The following CDH11 variants were observed in gnomAD, a reference collection of about 807,000 sequenced individuals.
The protein encoded by CDH11 is cadherin-11.
In CDH11, 11 loss-of-function variants were observed where a neutral mutation model predicts 67.8. The observed-to-expected ratio is 0.16, with a 90% CI of 0.10 to 0.27. The LOEUF (loss-of-function observed/expected upper bound fraction) is 0.27. CDH11 is among the 10% of genes least tolerant of loss of function. The pLI, the probability that CDH11 is intolerant of heterozygous loss-of-function variation, is 1.00. For missense variants in CDH11, 847 were observed against 1,031.2 expected, an observed-to-expected ratio of 0.82 and a Z score of 2.45; for synonymous variants, 419 against 400.0, an observed-to-expected ratio of 1.05 and a Z score of -0.57.
At chr16:65,008,403 T>C (rs2073107432) in intron 2 of CDH11, among the ~76,000 whole-genome samples, 1 of 152,234 alleles carries the variant, frequency 6.6e-6, no homozygotes, top group East Asian at 1.9e-4. Context: ...TTTTAATGGT[T>C]AATCTTAGGT....
At chr16:65,108,512 A>G (rs2075103480) in intron 1 of CDH11, among the ~76,000 whole-genome samples, 1 of 152,218 alleles carries the variant, frequency 6.6e-6, no homozygotes, top group East Asian at 1.9e-4. Context: ...AGCAGTGTCT[A>G]TGAAGAAGAA....
At chr16:64,968,585 T>A in intron 11 of CDH11, 1 of 984,232 alleles carries the variant, frequency 1.0e-6, no homozygotes, top group Non-Finnish European at 1.2e-6. Context: ...CAGAACGGAA[T>A]AAGATAAAAT....
chr16:64,951,057 G>C (rs1300485890), intron 11 of CDH11, 39 bp from the exon 12 acceptor site: 1 of 1,594,346 alleles, frequency 6.3e-7, no homozygotes. Flanking sequence ...GCCCAGTCAA[G>C]ACCATTGGAA....
At position 64,947,090 on chromosome 16, in the gene CDH11, A is replaced by G; in HGVS notation, c.*513T>C. On this transcript the variant is annotated 3_prime_UTR_variant, in exon 13 of 13. Transcript: ENST00000268603. The stretch of plus-strand genomic sequence containing the variant: ...CAGTAACAAGATTGATGCTCAAGAG[A>G]CATAATTGTACATTGTATTGTACAT... 3.9e-6 allele frequency: 4 copies of G among 1,032,896 alleles called. No homozygotes were observed. Among genetic ancestry groups the G allele is most frequent in the Non-Finnish European group, 4.7e-6 (4 of 857,988 alleles). The allele number at this position is 1,032,896 out of a possible 1,614,324, so 64.0% of individuals were successfully genotyped here.
chr16:64,982,516 C>A, intron 7 of CDH11: 1 of 543,624 alleles, frequency 1.8e-6, no homozygotes, highest in Non-Finnish European at 3.3e-6. Flanking sequence ...AAGAGCACAA[C>A]AGACACAGAA....
At chr16:65,053,636 T>C (rs1177014441) in intron 2 of CDH11, among the ~76,000 whole-genome samples, 168 bp downstream of exon 2, 1 of 152,194 alleles carries the variant, frequency 6.6e-6, no homozygotes, top group South Asian at 2.1e-4. Context: ...AATAATCACA[T>C]TCCTCACTAC....
chr16:64,948,744 C>G, intron 12 of CDH11: 1 of 1,603,048 alleles, frequency 6.2e-7, no homozygotes, highest in Non-Finnish European at 8.5e-7. Context: ...AAAGCAATCT[C>G]ATGTCTTCCC....
At chr16:65,001,821 A>G (rs1186235956) in intron 3 of CDH11, among the ~76,000 whole-genome samples, 1 of 143,434 alleles carries the variant, frequency 7.0e-6, no homozygotes, top group Non-Finnish European at 1.5e-5. Context: ...ACAAAAACCC[A>G]GTTTCAGAAA....
At chr16:65,115,077 C>T (rs7189108) in intron 1 of CDH11, among the ~76,000 whole-genome samples, 19,403 of 152,074 alleles carry the variant, frequency 0.13, 1,330 homozygotes, top group East Asian at 0.21. Flanking sequence ...CCCTTTTAAA[C>T]GAAAGCAAAC....
At chr16:65,048,024 G>A (rs1183131849) in intron 2 of CDH11, among the ~76,000 whole-genome samples, 1 of 152,182 alleles carries the variant, frequency 6.6e-6, no homozygotes, top group Non-Finnish European at 1.5e-5. Flanking sequence ...GGGTTCTTTG[G>A]AAGCAACAGT....
chr16:65,102,748 A>C (rs1350530227), intron 1 of CDH11, among the ~76,000 whole-genome samples: 1 of 152,132 alleles, frequency 6.6e-6, no homozygotes, highest in Non-Finnish European at 1.5e-5. Flanking sequence ...GAAAGTCATG[A>C]TTATCCCTGG....
At chr16:65,084,724 G>A (rs2074667653) in intron 1 of CDH11, among the ~76,000 whole-genome samples, 1 of 152,120 alleles carries the variant, frequency 6.6e-6, no homozygotes, top group South Asian at 2.1e-4. Flanking sequence ...TGCTTTACAT[G>A]TGTTTTTGTA....
intron 2 of CDH11, chr16:65,006,762 C>T (rs779342759): frequency 6.6e-6 from 1 of 152,158 alleles, no homozygotes; most frequent in Non-Finnish European, 1.5e-5. Context: ...TTGAATTCAA[C>T]ATGTGTTGTG....
intron 2 of CDH11, among the ~76,000 whole-genome samples, chr16:65,049,611 T>C (rs1246012769): frequency 2.0e-5 from 3 of 152,170 alleles, no homozygotes; most frequent in Admixed American, 1.3e-4. Context: ...TAAAGCAAGA[T>C]CAAAGAACAC....
chr16:65,002,863 T>C (rs2072953130), intron 3 of CDH11, among the ~76,000 whole-genome samples: 1 of 152,140 alleles, frequency 6.6e-6, no homozygotes, highest in African/African-American at 2.4e-5. Flanking sequence ...TCCCAAATAT[T>C]ACCATGTAAA....
chr16:64,957,027 T>C (rs1479403695), intron 11 of CDH11, among the ~76,000 whole-genome samples: 3 of 152,282 alleles, frequency 2.0e-5, no homozygotes, highest in South Asian at 2.1e-4. Context: ...GGGCAATATA[T>C]GGACCAGCTC....
rs2142529610 is a variant in CDH11 at position 65,004,961 on chromosome 16, T to C, written c.-92A>G. On this transcript the variant is annotated 5_prime_UTR_variant, in exon 3 of 13. An upstream open reading frame in the 5' UTR loses its in-frame stop. Coordinates refer to ENST00000268603, the MANE Select transcript of CDH11 (RefSeq NM_001797.4). ...TGCTGAGGGTGGCCTCCCGGACGCG[T>C]CACGCAGACCTCTCTTGGGATGGAA... The C allele has an allele frequency of 7.0e-7, 1 of 1,437,560 alleles. No individual in the cohort carries two copies. The highest frequency in any genetic ancestry group is 9.2e-7 in the Non-Finnish European group (1 of 1,091,204). 89.1% of individuals were successfully genotyped at this position (1,437,560 alleles called of 1,614,324 possible). A position where few individuals can be genotyped will look rare whatever the true frequency, so the allele number is the denominator to read the frequency against.
At chr16:64,982,383 G>T (rs75065329) in intron 7 of CDH11, 82 bp from the exon 8 acceptor site, 1 of 989,296 alleles carries the variant, frequency 1.0e-6, no homozygotes, top group Non-Finnish European at 1.5e-6. Context: ...TTATAGGGAC[G>T]AGTGAATATT....
chr16:65,001,626 C>A (rs559640579), intron 3 of CDH11, among the ~76,000 whole-genome samples: 2 of 152,304 alleles, frequency 1.3e-5, no homozygotes, highest in South Asian at 4.1e-4. Context: ...GGATCTATTT[C>A]ATGATCAGCC....
Sources: gnomAD v4.1 joint callset for allele counts (sites outside exome capture counted in the v4.1 genomes callset) on GRCh38, gnomAD v4.1.1 for gene constraint, MANE v1.5 for transcripts, NCBI Gene and HGNC (gene_info 2026-07-23, HGNC 2026-07-21) for gene names.